The following PKHD1L1 variants were observed in gnomAD, a reference collection of about 807,000 sequenced individuals.
PKHD1L1 encodes the protein fibrocystin-L.
Under a neutral mutation model 462.9 loss-of-function variants are expected in PKHD1L1, and 434 were observed. The ratio of observed to expected loss-of-function variants is 0.94; its 90% confidence interval spans 0.87 to 1.02. The LOEUF (loss-of-function observed/expected upper bound fraction) is 1.02, where lower values mean the gene tolerates loss of function less well. Ranked by LOEUF, PKHD1L1 falls within the 50% of genes least tolerant of loss-of-function variation. PKHD1L1 has a pLI of 0.00. For missense variants in PKHD1L1, 5,202 were observed against 5,096.1 expected (o/e 1.02, Z -0.63); for synonymous variants, 1,781 against 1,750.0 (o/e 1.02, Z -0.44).
At chr8:109,402,270 A>G (rs1399508340) in intron 14 of PKHD1L1, among the ~76,000 whole-genome samples, 1 of 152,188 alleles carries the variant, frequency 6.6e-6, no homozygotes, top group Admixed American at 6.6e-5. Flanking sequence ...AGACTTTACT[A>G]TATAACAAAG....
rs941576037 is a variant in PKHD1L1 at position 109,464,839 on chromosome 8, G to A, written c.8007G>A (p.Gln2669=). 2 of 1,613,692 alleles carry A rather than the reference G, an allele frequency of 1.2e-6. No individual in the cohort carries two copies. The highest frequency in any genetic ancestry group is 8.5e-7 in the Non-Finnish European group (1 of 1,179,804). Residue 2669 remains glutamine, a synonymous_variant, in exon 49 of 78, where the codon CAG becomes CAA. Coordinates refer to ENST00000378402, the MANE Select transcript of PKHD1L1 (RefSeq NM_177531.6). The part of the protein sequence containing the change: ...GAEWVNGGAL[Q]FHNFVMVNNY... ...AATGGGTCAATGGAGGTGCCCTTCA[G>A]TTCCATAACTTTGTGATGGTGAATA... is the stretch of plus-strand genomic sequence containing the variant.
intron 39 of PKHD1L1, among the ~76,000 whole-genome samples, chr8:109,448,883 A>T (rs994504541): frequency 6.6e-6 from 1 of 152,174 alleles, no homozygotes; most frequent in Non-Finnish European, 1.5e-5. Context: ...TTAAAATGAC[A>T]GTTATACATG....
At position 109,406,404 on chromosome 8, in the gene PKHD1L1, C is replaced by T. The variant is rs574539138; in HGVS notation, c.1739C>T (p.Pro580Leu). The stretch of plus-strand genomic sequence containing the variant: ...TTGAATGACCTCTGGTCTATAAAAC[C>T]GGACACAGTTCAAGTAATAAGAACA... ...SALNDLWSIKPDTVQVIRTQN... is the reference protein window; with the variant it reads ...SALNDLWSIKLDTVQVIRTQN... Residue 580 changes from proline to leucine, a missense_variant, in exon 17 of 78, where the codon CCG becomes CTG. Transcript: ENST00000378402. 41 of 1,583,236 alleles carry T rather than the reference C, an allele frequency of 2.6e-5. No individual in the cohort carries two copies. Among genetic ancestry groups the T allele is most frequent in the Admixed American group, 5.4e-5 (3 of 55,440 alleles).
intron 41 of PKHD1L1, among the ~76,000 whole-genome samples, chr8:109,451,827 C>T (rs1184036461): frequency 6.6e-6 from 1 of 152,098 alleles, no homozygotes; most frequent in East Asian, 1.9e-4. Flanking sequence ...TTTAAAAGTA[C>T]CTGTTGGGAG....
At chr8:109,383,416 TTA>T (rs1470436762) in intron 4 of PKHD1L1, among the ~76,000 whole-genome samples, 3 of 120,604 alleles carry the variant, frequency 2.5e-5, no homozygotes, top group Non-Finnish European at 4.8e-5. Flanking sequence ...TAATTATATA[TTA>T]TATATAATAT....
At chr8:109,434,411 T>A (rs1309583956) in intron 28 of PKHD1L1, among the ~76,000 whole-genome samples, 1 of 152,078 alleles carries the variant, frequency 6.6e-6, no homozygotes, top group South Asian at 2.1e-4. Flanking sequence ...ATGTTTTCAT[T>A]TACTTTTTTG....
chr8:109,499,426 T>G (rs1208215567), intron 67 of PKHD1L1: 1 of 152,238 alleles, frequency 6.6e-6, no homozygotes, highest in Non-Finnish European at 1.5e-5. Context: ...TCTCACAGCT[T>G]TAGATCCCAG....
Position 109,427,117 on chromosome 8 carries a change from C to T in PKHD1L1, c.2961C>T (p.Ile987=), listed in dbSNP as rs1426218590. Residue 987 remains isoleucine (I), a synonymous_variant, in exon 25 of 78, where the codon ATC becomes ATT. Coordinates refer to ENST00000378402, the MANE Select transcript of PKHD1L1 (RefSeq NM_177531.6). Reference sequence around the variant, plus strand: ...CCTGTGCTGGCTACGCGTGGAACATCAAATGGAGAAGCACCTGCGGAAAGC... The same window carrying T: ...CCTGTGCTGGCTACGCGTGGAACATTAAATGGAGAAGCACCTGCGGAAAGC... The part of the protein sequence containing the change: ...EGTCAGYAWN[I]KWRSTCGKQN... 2 of 1,613,932 alleles carry T rather than the reference C, an allele frequency of 1.2e-6. No homozygotes were observed. The highest frequency in any genetic ancestry group is 8.5e-7 in the Non-Finnish European group (1 of 1,179,830).
chr8:109,434,798 T>C (rs961801637), intron 28 of PKHD1L1, among the ~76,000 whole-genome samples: 3 of 152,176 alleles, frequency 2.0e-5, no homozygotes, highest in African/African-American at 7.2e-5. Context: ...TCTTTCCTGA[T>C]AAAACGTAGT....
intron 76 of PKHD1L1, among the ~76,000 whole-genome samples, chr8:109,524,530 T>G (rs1380304924): frequency 6.6e-6 from 1 of 152,094 alleles, no homozygotes; most frequent in African/African-American, 2.4e-5. Flanking sequence ...ACCCAATAAG[T>G]ATCCAGTGGA....
At position 109,491,908 on chromosome 8, in the gene PKHD1L1, G is replaced by C. The variant is rs757083337; in HGVS notation, c.10150G>C (p.Gly3384Arg). ...ATGGGGGAATGCCAACCGAGTCCGAGGGAATTTGATTGCACTTTCGGTTTG... is the reference window on the plus strand; with the variant it reads ...ATGGGGGAATGCCAACCGAGTCCGACGGAATTTGATTGCACTTTCGGTTTG... ...RIWGNANRVR[G>R]NLIALSVWPG... Residue 3384 changes from glycine to arginine, a missense_variant, in exon 62 of 78, where the codon GGG becomes CGG. Gly to Arg is a moderately radical substitution (Grantham distance 125, BLOSUM62 -2). This residue lies in a region of PKHD1L1 where 4,497 missense variants were observed against 4,336.8 expected (regional missense o/e 1.04). Coordinates refer to ENST00000378402, the MANE Select transcript of PKHD1L1 (RefSeq NM_177531.6). 13 of 1,604,532 alleles carry C rather than the reference G, an allele frequency of 8.1e-6. No individual in the cohort carries two copies. The Admixed American group carries it at 2.2e-4, about 27-fold the overall frequency.
At chr8:109,453,541 G>A (rs1816657484) in intron 43 of PKHD1L1, among the ~76,000 whole-genome samples, 1 of 152,182 alleles carries the variant, frequency 6.6e-6, no homozygotes, top group Non-Finnish European at 1.5e-5. Flanking sequence ...GCCACCGGAA[G>A]ACTCCTGCAT....
Position 109,491,982 on chromosome 8 carries a change from T to A in PKHD1L1, c.10224T>A (p.His3408Gln). 6.5e-7 allele frequency: 1 copy of A among 1,546,484 alleles called. No homozygotes were observed. Among genetic ancestry groups the A allele is most frequent in the Non-Finnish European group, 8.8e-7 (1 of 1,141,526 alleles). The change falls in exon 62 of 78, where the codon CAT (histidine) becomes CAA (glutamine). Residue 3408 changes from histidine (H) to glutamine (Q), a missense_variant. Coordinates refer to ENST00000378402, the MANE Select transcript of PKHD1L1 (RefSeq NM_177531.6). ...NRKDLSSTLW[H>Q]AAIEINRGTN... is the part of the protein sequence containing the mutation. ...AAGATTTAAGTTCAACTCTCTGGCA[T>A]GCAGCAATTGAGGTAGTGAAAACAA...
chr8:109,405,264 T>C lies in PKHD1L1; in HGVS notation c.1669+134T>C, dbSNP rs1265744527. ...TATGCTAGACAAAGAAGCAGAAAAA[T>C]GTATTATGGAAAAAAGCCTTCAGAC... On this transcript the variant is annotated intron_variant, in intron 16 of 77. Transcript: ENST00000378402. 7.3e-6 allele frequency: 4 copies of C among 549,824 alleles called. No individual in the cohort carries two copies. The East Asian group carries it at 1.0e-4, about 14-fold the overall frequency. The allele number at this position is 549,824 out of a possible 1,614,324, so 34.1% of individuals were successfully genotyped here. A position where few individuals can be genotyped will look rare whatever the true frequency, so the allele number is the denominator to read the frequency against.
rs368753868 is a variant in PKHD1L1, at chr8:109,392,212, C to G, written c.740+1718C>G. 1.6e-4 allele frequency among the ~76,000 whole-genome samples: 25 copies of G among 152,194 alleles called. No homozygotes were observed. In the East Asian group the frequency reaches 4.4e-3, roughly 27 times the overall value. On this transcript the variant is annotated intron_variant, in intron 9 of 77. Transcript: ENST00000378402. ...TGATTTTTTTAAATGCTCTTAGTAG[C>G]AACCTTCCCAAGGTGAAAGAAAAAT...
At chr8:109,476,006 T>C (rs563391682) in intron 51 of PKHD1L1, among the ~76,000 whole-genome samples, 10 of 152,256 alleles carry the variant, frequency 6.6e-5, no homozygotes, top group Admixed American at 4.6e-4. Flanking sequence ...CCTCTAATGG[T>C]AGCCAGTATC....
chr8:109,492,235 T>C (rs1251817184), intron 62 of PKHD1L1, among the ~76,000 whole-genome samples: 1 of 151,790 alleles, frequency 6.6e-6, no homozygotes, highest in Non-Finnish European at 1.5e-5. Flanking sequence ...GCTGCTCGAC[T>C]GAGTGCTTTA....
chr8:109,495,234 C>T (rs1819028093), intron 63 of PKHD1L1, among the ~76,000 whole-genome samples: 1 of 151,818 alleles, frequency 6.6e-6, no homozygotes, highest in Admixed American at 6.6e-5. Flanking sequence ...TATTTTAGTT[C>T]CCAACCACTT....
At chr8:109,480,517 A>C in intron 55 of PKHD1L1, 1 of 435,978 alleles carries the variant, frequency 2.3e-6, no homozygotes, top group Non-Finnish European at 4.5e-6. Flanking sequence ...CAGTATTTAA[A>C]AAAAAAACCA....
Sources: allele counts gnomAD v4.1 joint callset (sites outside exome capture counted in the v4.1 genomes callset), GRCh38; gene constraint gnomAD v4.1.1; regional missense constraint gnomAD v4.1.1; transcripts MANE v1.5; gene names NCBI Gene and HGNC (gene_info 2026-07-23, HGNC 2026-07-21).